Variants in PLXNB2 observed in about 807,000 individuals in gnomAD.
PLXNB2 encodes the protein plexin-B2.
A neutral mutation model predicts 202.6 loss-of-function variants in PLXNB2; 85 were observed. The observed-to-expected ratio is 0.42, with a 90% CI of 0.35 to 0.50. The LOEUF (loss-of-function observed/expected upper bound fraction) is 0.50, where lower values mean the gene tolerates loss of function less well. PLXNB2 is among the 20% of genes least tolerant of loss of function. The pLI is 0.02. For missense variants in PLXNB2, 2,063 were observed against 2,586.2 expected, an observed-to-expected ratio of 0.80 and a Z score of 4.39; for synonymous variants, 1,239 against 1,137.6, an observed-to-expected ratio of 1.09 and a Z score of -1.79.
Position 50,284,508 on chromosome 22 carries a change from TG to T in PLXNB2, c.2181+64del. 1 of 1,230,938 alleles carries T rather than the reference TG, an allele frequency of 8.1e-7. No homozygotes were observed. Among genetic ancestry groups the T allele is most frequent in the South Asian group, 1.3e-5 (1 of 77,566 alleles). The allele number at this position is 1,230,938 out of a possible 1,614,324, so 76.3% of individuals were successfully genotyped here. On this transcript the variant is annotated intron_variant, in intron 12 of 36. Transcript: ENST00000359337. This position sits in a 1 kb window ranked among gnomAD's most constrained non-coding sequence, Gnocchi z 8.0. ...GCCCCTCCCCTCACAGTCCTGAAGGTGACCCCCCACCCCACCCGGGGCCCTG... is the reference window on the plus strand; with the variant it reads ...GCCCCTCCCCTCACAGTCCTGAAGGTACCCCCCACCCCACCCGGGGCCCTG...
Position 50,281,723 on chromosome 22 carries a change from G to A in PLXNB2, c.3365C>T (p.Ala1122Val), listed in dbSNP as rs375577050. The A allele has an allele frequency of 1.3e-6, 2 of 1,561,498 alleles. No individual in the cohort carries two copies. Among genetic ancestry groups the A allele is most frequent in the Non-Finnish European group, 8.7e-7 (1 of 1,152,570 alleles). ...IHARGTNLNK[A>V]MTLQEAEAFV... ...GGCCTCGGCCTCCTGCAGCGTCATC[G>A]CCTTGTTCAGATTGGTGCCCTGGGG... The change falls in exon 21 of 37, where the codon GCG becomes GTG. Residue 1122 changes from alanine to valine, a missense_variant. Physicochemically the swap from Ala to Val is moderately conservative, Grantham distance 64 (BLOSUM62 0). Around this residue, in one of 2 missense-constraint regions of PLXNB2, gnomAD observed 760 missense variants for 1,109.4 expected, o/e 0.69. Coordinates refer to ENST00000359337, the MANE Select transcript of PLXNB2 (RefSeq NM_012401.4).
rs913387618 is a variant in PLXNB2 at position 50,281,647 on chromosome 22, C to T, written c.3441G>A (p.Leu1147=). Residue 1147 remains leucine, a synonymous_variant, in exon 21 of 37, where the codon CTG becomes CTA. Transcript: ENST00000359337. ...CTMKTLTETD[L]YCEPPEVQPP... is the part of the protein sequence containing the mutation. ...GCTGCACCTCCGGGGGCTCACAGTA[C>T]AGGTCGGTCTCCGTCAGCGTCTTCA... 1.3e-6 allele frequency: 2 copies of T among 1,599,144 alleles called. No individual in the cohort carries two copies. The highest frequency in any genetic ancestry group is 1.1e-5 in the South Asian group (1 of 89,258).
chr22:50,285,292 C>A (rs532573264), intron 11 of PLXNB2, among the ~76,000 whole-genome samples: 20 of 90,666 alleles, frequency 2.2e-4, no homozygotes, highest in Non-Finnish European at 3.9e-4. Context: ...CCAACCGGCA[C>A]CCCCTCCCTC....
At position 50,289,450 on chromosome 22, in the gene PLXNB2, G is replaced by A. The variant is rs932638175; in HGVS notation, c.1068+67C>T. The A allele has an allele frequency of 1.3e-6, 2 of 1,492,800 alleles. No homozygotes were observed. Among genetic ancestry groups the A allele is most frequent in the African/African-American group, 2.8e-5 (2 of 71,700 alleles). The allele number at this position is 1,492,800 out of a possible 1,614,324, so 92.5% of individuals were successfully genotyped here. A position where few individuals can be genotyped will look rare whatever the true frequency, so the allele number is the denominator to read the frequency against. On this transcript the variant is annotated intron_variant, in intron 3 of 36. Transcript: ENST00000359337. This position sits in a 1 kb window ranked among gnomAD's most constrained non-coding sequence, Gnocchi z 8.0. Reference sequence around the variant, plus strand: ...TCACGTGCACCCTCCCCAGCAGGCTGGGACACGCAAACCCACGAACGGACG... The same window carrying A: ...TCACGTGCACCCTCCCCAGCAGGCTAGGACACGCAAACCCACGAACGGACG...
At chr22:50,303,107 C>T (rs577151093) in intron 1 of PLXNB2, among the ~76,000 whole-genome samples, 1 of 152,084 alleles carries the variant, frequency 6.6e-6, no homozygotes, top group African/African-American at 2.4e-5. Context: ...GCCTCCCTTG[C>T]TTCCCCCAGG....
At chr22:50,276,755 G>T in intron 34 of PLXNB2, 51 bp from the exon 35 acceptor site, 1 of 1,597,968 alleles carries the variant, frequency 6.3e-7, no homozygotes, top group Non-Finnish European at 8.6e-7. Flanking sequence ...CCACAAAGGG[G>T]GTGGTGGGGG....
chr22:50,307,336 G>A (rs1033402693), intron 1 of PLXNB2, among the ~76,000 whole-genome samples: 1 of 148,942 alleles, frequency 6.7e-6, no homozygotes, highest in Admixed American at 6.6e-5. Flanking sequence ...CCCGTCCCCC[G>A]AGTCAACACC....
Position 50,287,678 on chromosome 22 carries a change from C to T in PLXNB2, c.1597G>A (p.Ala533Thr), listed in dbSNP as rs1406198220. ...SAQPQNMSRRAQGEVQLTVSP... is the reference protein window; with the variant it reads ...SAQPQNMSRRTQGEVQLTVSP... ...GACCCACCACGCACCTCCCCCTGGG[C>T]CCGCCGGCTCATGTTCTGTGGCTGG... The change falls in exon 7 of 37, where the codon GCC (alanine) becomes ACC (threonine). Residue 533 changes from alanine to threonine, a missense_variant. Coordinates refer to ENST00000359337, the MANE Select transcript of PLXNB2 (RefSeq NM_012401.4). 4 of 1,543,768 alleles carry T rather than the reference C, an allele frequency of 2.6e-6. No homozygotes were observed. Among genetic ancestry groups the T allele is most frequent in the African/African-American group, 1.4e-5 (1 of 73,406 alleles).
chr22:50,300,768 T>C (rs1413336320), intron 1 of PLXNB2, among the ~76,000 whole-genome samples: 2 of 152,180 alleles, frequency 1.3e-5, no homozygotes, highest in Admixed American at 1.3e-4. Flanking sequence ...AAAGTCACCC[T>C]GGCTGGTGGC....
In PLXNB2 at chr22:50,294,749, G is replaced by T; in HGVS notation, c.-44C>A. On this transcript the variant is annotated 5_prime_UTR_variant, in exon 2 of 37. In the 5' UTR this introduces an upstream ATG that the reference lacks. Coordinates refer to ENST00000359337, the MANE Select transcript of PLXNB2 (RefSeq NM_012401.4). ...ACCGAGGCTCCAGTGGTCCAGCTCA[G>T]TTTCTGCTCCAGGCCAGCATCGAGA... 2.0e-6 allele frequency: 2 copies of T among 985,608 alleles called. No individual in the cohort carries two copies. The highest frequency in any genetic ancestry group is 2.4e-6 in the Non-Finnish European group (2 of 830,050). 61.1% of individuals were successfully genotyped at this position (985,608 alleles called of 1,614,324 possible).
Position 50,281,825 on chromosome 22 carries a change from C to A in PLXNB2, c.3345+29G>T, listed in dbSNP as rs773320954. 6 of 1,599,318 alleles carry A rather than the reference C, an allele frequency of 3.8e-6. No individual in the cohort carries two copies. In the East Asian group the frequency reaches 1.3e-4, roughly 36 times the overall value. On this transcript the variant is annotated intron_variant, in intron 20 of 36. Transcript: ENST00000359337. ...CTCTCAGCCCAGACCCGAGCAGGAC[C>A]CAGACACCCGGGGCTGCACCGTCCT...
Position 50,284,492 on chromosome 22 carries a change from C to T in PLXNB2, c.2181+81G>A, listed in dbSNP as rs560170803. The T allele has an allele frequency of 8.2e-6, 9 of 1,093,648 alleles. No homozygotes were observed. In the East Asian group the frequency reaches 2.1e-4, roughly 25 times the overall value. 67.7% of individuals were successfully genotyped at this position (1,093,648 alleles called of 1,614,324 possible). A position where few individuals can be genotyped will look rare whatever the true frequency, so the allele number is the denominator to read the frequency against. On this transcript the variant is annotated intron_variant, in intron 12 of 36. Coordinates refer to ENST00000359337, the MANE Select transcript of PLXNB2 (RefSeq NM_012401.4). The surrounding 1 kb of genome is among the most constrained non-coding windows in gnomAD (Gnocchi z 8.0). Reference sequence around the variant, plus strand: ...CTGGGGTCTCCCTGCTGCCCCTCCCCTCACAGTCCTGAAGGTGACCCCCCA... The same window carrying T: ...CTGGGGTCTCCCTGCTGCCCCTCCCTTCACAGTCCTGAAGGTGACCCCCCA...
rs1170519675 is a variant in PLXNB2 at position 50,289,122 on chromosome 22, T to G, written c.1089A>C (p.Pro363=). ...GGTAGGGCAGGTGCTCCGAGCCACA[T>G]GGGAAGCTCTTGCTGGAGCCCTGCG... is the stretch of plus-strand genomic sequence containing the variant. The part of the protein sequence containing the change: ...GHAPGSSKSF[P]CGSEHLPYPL... Residue 363 remains proline (P), a synonymous_variant, in exon 4 of 37, where the codon CCA becomes CCC. Transcript: ENST00000359337. This position sits in a 1 kb window ranked among gnomAD's most constrained non-coding sequence, Gnocchi z 8.0. The G allele has an allele frequency of 1.3e-6, 2 of 1,580,492 alleles. No homozygotes were observed. Among genetic ancestry groups the G allele is most frequent in the South Asian group, 1.1e-5 (1 of 90,010 alleles).
In PLXNB2 at chr22:50,289,677, C is replaced by T; in HGVS notation, c.908G>A (p.Ser303Asn). The change falls in exon 3 of 37, where the codon AGC becomes AAC. Residue 303 changes from serine to asparagine, a missense_variant. By Grantham distance (46) the Ser-to-Asn change is conservative. Transcript: ENST00000359337. The surrounding 1 kb of genome is among the most constrained non-coding windows in gnomAD (Gnocchi z 8.0). ...LYAVFSRDSR[S>N]SGGPGAGLCL... ...GAGGCCCGCACCGGGCCCCCCACTGCTCCGGCTGTCTCTGCTGAAGACAGC... is the reference window on the plus strand; with the variant it reads ...GAGGCCCGCACCGGGCCCCCCACTGTTCCGGCTGTCTCTGCTGAAGACAGC... The T allele has an allele frequency of 6.2e-7, 1 of 1,610,292 alleles. No homozygotes were observed. The highest frequency in any genetic ancestry group is 8.5e-7 in the Non-Finnish European group (1 of 1,179,830).
rs1183595649 is a variant in PLXNB2 at position 50,284,268 on chromosome 22, G to A, written c.2182-55C>T. The A allele has an allele frequency of 9.8e-6, 15 of 1,535,468 alleles. No homozygotes were observed. In the East Asian group the frequency reaches 2.0e-4, roughly 21 times the overall value. ...TCCTGCCCCCACAGAGGGGCGTGGGGCGGGGGTCACAAGGGCAGCCTCCCT... is the reference window on the plus strand; with the variant it reads ...TCCTGCCCCCACAGAGGGGCGTGGGACGGGGGTCACAAGGGCAGCCTCCCT... On this transcript the variant is annotated intron_variant, in intron 12 of 36. Transcript: ENST00000359337. The surrounding 1 kb of genome is among the most constrained non-coding windows in gnomAD (Gnocchi z 8.0).
chr22:50,281,270 T>G (rs913145115), intron 22 of PLXNB2, 81 bp from the exon 23 acceptor site: 16 of 1,570,346 alleles, frequency 1.0e-5, no homozygotes, highest in Non-Finnish European at 1.4e-5. Context: ...TCTACACGCC[T>G]GCCTGTGCAG....
Position 50,286,214 on chromosome 22 carries a change from G to A in PLXNB2, c.1836C>T (p.Phe612=), listed in dbSNP as rs773024790. 2 of 1,613,126 alleles carry A rather than the reference G, an allele frequency of 1.2e-6. No homozygotes were observed. The highest frequency in any genetic ancestry group is 2.7e-5 in the African/African-American group (2 of 74,938). The change falls in exon 9 of 37, where the codon TTC becomes TTT. Residue 612 remains phenylalanine, a synonymous_variant. Coordinates refer to ENST00000359337, the MANE Select transcript of PLXNB2 (RefSeq NM_012401.4). The part of the protein sequence containing the change: ...NIFLTSYQYP[F]YDCRQAMSLE... ...GGCTCATGGCCTGGCGGCAGTCGTA[G>A]AAGGGGTACTGGTAGGACGTGAGGA...
Position 50,283,721 on chromosome 22 carries a change from C to T in PLXNB2, c.2451G>A (p.Gly817=), listed in dbSNP as rs1159644266. 13 of 1,613,026 alleles carry T rather than the reference C, an allele frequency of 8.1e-6. No homozygotes were observed. Among genetic ancestry groups the T allele is most frequent in the Middle Eastern group, 1.6e-4 (1 of 6,082 alleles). The part of the protein sequence containing the change: ...RIQPETGPLG[G]GIRITILGSN... ...ACCCCAGGATGGTGATGCGGATGCC[C>T]CCACCCAGGGGGCCCGTCTCAGGCT... Residue 817 remains glycine (G), a synonymous_variant, in exon 15 of 37, where the codon GGG becomes GGA. Coordinates refer to ENST00000359337, the MANE Select transcript of PLXNB2 (RefSeq NM_012401.4).
rs575107761 is a variant in PLXNB2 at position 50,275,749 on chromosome 22, C to T, written c.5472G>A (p.Leu1824=). 7 of 1,612,038 alleles carry T rather than the reference C, an allele frequency of 4.3e-6. No individual in the cohort carries two copies. The highest frequency in any genetic ancestry group is 1.3e-5 in the African/African-American group (1 of 74,994). The part of the protein sequence containing the change: ...AAQKMQLAFR[L]QQIAAALENK... ...TCTCCAGTGCAGCGGCAATCTGCTG[C>T]AGGCGGAAGGCCAGCTGCATCTTCT... The change falls in exon 37 of 37, where the codon CTG becomes CTA. Residue 1824 remains leucine (L), a synonymous_variant. Transcript: ENST00000359337.
Sources: allele counts gnomAD v4.1 joint callset (sites outside exome capture counted in the v4.1 genomes callset), GRCh38; gene constraint gnomAD v4.1.1; regional missense constraint gnomAD v4.1.1; non-coding constraint Gnocchi (gnomAD v3.1); transcripts MANE v1.5; gene names NCBI Gene and HGNC (gene_info 2026-07-23, HGNC 2026-07-21).